The following CCDC40 variants were observed in gnomAD, a reference collection of about 807,000 sequenced individuals.
CCDC40 encodes the protein coiled-coil domain-containing protein 40.
In CCDC40, 104 loss-of-function variants were observed where a neutral mutation model predicts 124.5. That is an observed-to-expected ratio of 0.84 (90% CI 0.71 to 0.98). CCDC40 has a LOEUF of 0.98. Among genes scored for constraint, CCDC40 ranks in the 50% least tolerant of loss-of-function variants. The pLI is 0.00. For missense variants in CCDC40, 1,463 were observed against 1,503.9 expected, an observed-to-expected ratio of 0.97 and a Z score of 0.45; for synonymous variants, 580 against 602.9, an observed-to-expected ratio of 0.96 and a Z score of 0.56.
chr17:80,099,631 G>A lies in CCDC40; in HGVS notation c.3285G>A (p.Leu1095=), dbSNP rs751539954. The A allele has an allele frequency of 6.2e-7, 1 of 1,613,692 alleles. No homozygotes were observed. The highest frequency in any genetic ancestry group is 1.6e-4 in the Middle Eastern group (1 of 6,062). ...FLFRSKQSLV[L]ERQRLDKRLA... ...TCCGCTCCAAGCAGTCCCTAGTGCTGGAGCGCCAGCGCCTGGACAAGCGAC... is the reference window on the plus strand; with the variant it reads ...TCCGCTCCAAGCAGTCCCTAGTGCTAGAGCGCCAGCGCCTGGACAAGCGAC... The change falls in exon 20 of 20, where the codon CTG becomes CTA. Residue 1095 remains leucine (L), a synonymous_variant. Transcript: ENST00000397545.
chr17:80,043,652 G>C (rs916297250), intron 3 of CCDC40, among the ~76,000 whole-genome samples: 21 of 146,910 alleles, frequency 1.4e-4, no homozygotes, highest in Non-Finnish European at 4.5e-5. Context: ...CAGGTAGCTG[G>C]GACTGCAAGC....
chr17:80,059,100 T>A, intron 9 of CCDC40, 120 bp downstream of exon 9: 1 of 1,296,496 alleles, frequency 7.7e-7, no homozygotes, highest in Admixed American at 1.7e-5. Context: ...TGCAGCCAGC[T>A]TACATCTGCA....
intron 16 of CCDC40, 118 bp from the exon 17 acceptor site, chr17:80,089,646 G>A (rs1022017327): frequency 7.1e-6 from 9 of 1,264,356 alleles, no homozygotes; most frequent in Non-Finnish European, 6.9e-6. Flanking sequence ...GCTTTCTGTC[G>A]CAGCTGCTTG....
rs913575695 is a variant in CCDC40 at position 80,084,656 on chromosome 17, C to T, written c.1990-87C>T. The T allele has an allele frequency of 2.0e-5, 30 of 1,517,196 alleles. No individual in the cohort carries two copies. The African/African-American group carries it at 2.2e-4, about 11-fold the overall frequency. 94.0% of individuals were successfully genotyped at this position (1,517,196 alleles called of 1,614,324 possible). A position where few individuals can be genotyped will look rare whatever the true frequency, so the allele number is the denominator to read the frequency against. ...TTGGAATATCTCCAGAGGAACATCC[C>T]GACCGTCAGGGAACGGTGGATCAGC... On this transcript the variant is annotated intron_variant, in intron 12 of 19. Transcript: ENST00000397545.
chr17:80,069,240 G>A (rs959329357), intron 10 of CCDC40, among the ~76,000 whole-genome samples: 11 of 152,036 alleles, frequency 7.2e-5, no homozygotes, highest in Non-Finnish European at 1.5e-4. Context: ...CCCGTCCTTG[G>A]TCAGGGGGTT....
At chr17:80,056,876 A>G (rs1258129210) in intron 7 of CCDC40, among the ~76,000 whole-genome samples, 1 of 144,460 alleles carries the variant, frequency 6.9e-6, no homozygotes, top group African/African-American at 2.5e-5. Context: ...CATCTCTACT[A>G]AAAAAAAAAA....
At chr17:80,046,796 A>G (rs969436341) in intron 3 of CCDC40, among the ~76,000 whole-genome samples, 1 of 152,106 alleles carries the variant, frequency 6.6e-6, no homozygotes, top group Non-Finnish European at 1.5e-5. Flanking sequence ...GGAAATTTCA[A>G]TAAGAAAATG....
At chr17:80,055,139 C>G (rs2037704831) in intron 7 of CCDC40, among the ~76,000 whole-genome samples, 1 of 151,982 alleles carries the variant, frequency 6.6e-6, no homozygotes, top group Admixed American at 6.6e-5. Flanking sequence ...GAAAATGTTA[C>G]CCAGTGGAAA....
intron 7 of CCDC40, 85 bp downstream of exon 7, chr17:80,050,368 G>C: frequency 9.1e-7 from 1 of 1,103,198 alleles, no homozygotes; most frequent in Non-Finnish European, 1.3e-6. Context: ...CAGGCATCTA[G>C]AAAAGTAAGA....
rs753634476 is a variant in CCDC40 at position 80,065,559 on chromosome 17, C to T, written c.1515C>T (p.Gly505=). 6.2e-7 allele frequency: 1 copy of T among 1,612,978 alleles called. No individual in the cohort carries two copies. Among genetic ancestry groups the T allele is most frequent in the Non-Finnish European group, 8.5e-7 (1 of 1,179,946 alleles). Reference sequence around the variant, plus strand: ...AGCAATGGGCCAGCAGCCTGGTGGGCATGAAGCACCGCGACGAGGCGCACA... The same window carrying T: ...AGCAATGGGCCAGCAGCCTGGTGGGTATGAAGCACCGCGACGAGGCGCACA... The part of the protein sequence containing the change: ...IMQQWASSLV[G]MKHRDEAHRA... Residue 505 remains glycine, a synonymous_variant, in exon 10 of 20, where the codon GGC becomes GGT. Transcript: ENST00000397545.
chr17:80,048,444 C>T (rs370147212), intron 4 of CCDC40, 139 bp from the exon 5 acceptor site: 1 of 730,118 alleles, frequency 1.4e-6, no homozygotes, highest in Non-Finnish European at 2.4e-6. Flanking sequence ...GACCCACAGA[C>T]CGTTGGGATG....
intron 18 of CCDC40, among the ~76,000 whole-genome samples, chr17:80,095,666 CA>C (rs1283665672): frequency 6.6e-6 from 1 of 152,032 alleles, no homozygotes; most frequent in African/African-American, 2.4e-5. Flanking sequence ...GGTTCGGGGT[CA>C]GGGGTGAGGA....
intron 16 of CCDC40, among the ~76,000 whole-genome samples, chr17:80,088,946 T>TCAC (rs2038645333): frequency 6.6e-6 from 1 of 152,196 alleles, no homozygotes. Flanking sequence ...AGGGTTTCCT[T>TCAC]TGTGATAAAG....
At chr17:80,076,502 G>A (rs1307375410) in intron 10 of CCDC40, among the ~76,000 whole-genome samples, 1 of 151,560 alleles carries the variant, frequency 6.6e-6, no homozygotes, top group Non-Finnish European at 1.5e-5. Context: ...GAGCCTAGGA[G>A]GCTGAATTTG....
intron 10 of CCDC40, among the ~76,000 whole-genome samples, chr17:80,073,225 G>T (rs1047846955): frequency 6.6e-6 from 1 of 151,974 alleles, no homozygotes; most frequent in Non-Finnish European, 1.5e-5. Flanking sequence ...GGATGATCTC[G>T]ATCTCCTGAC....
rs1305223233 is a variant in CCDC40, at chr17:80,065,562, G to A, written c.1518G>A (p.Met506Ile). ...MQQWASSLVG[M>I]KHRDEAHRAV... ...AATGGGCCAGCAGCCTGGTGGGCATGAAGCACCGCGACGAGGCGCACAGGG... is the reference window on the plus strand; with the variant it reads ...AATGGGCCAGCAGCCTGGTGGGCATAAAGCACCGCGACGAGGCGCACAGGG... The change falls in exon 10 of 20, where the codon ATG becomes ATA. Residue 506 changes from methionine to isoleucine, a missense_variant. Transcript: ENST00000397545. 6.2e-7 allele frequency: 1 copy of A among 1,612,994 alleles called. No individual in the cohort carries two copies. Among genetic ancestry groups the A allele is most frequent in the South Asian group, 1.1e-5 (1 of 91,062 alleles).
At chr17:80,082,471 C>T (rs1237289736) in intron 12 of CCDC40, among the ~76,000 whole-genome samples, 6 of 151,838 alleles carry the variant, frequency 4.0e-5, no homozygotes, top group Non-Finnish European at 8.8e-5. Flanking sequence ...TTGCCTCTTC[C>T]CGAGGGGTGA....
chr17:80,042,875 T>A (rs377423525), intron 3 of CCDC40, among the ~76,000 whole-genome samples: 1 of 141,076 alleles, frequency 7.1e-6, no homozygotes, highest in African/African-American at 2.6e-5. Flanking sequence ...TTTTTTTTTT[T>A]AATCATAAAA....
At position 80,087,421 on chromosome 17, in the gene CCDC40, C is replaced by G; in HGVS notation, c.2450-186C>G. The G allele has an allele frequency of 1.9e-6, 1 of 515,016 alleles. No homozygotes were observed. Among genetic ancestry groups the G allele is most frequent in the East Asian group, 3.1e-5 (1 of 31,900 alleles). The allele number at this position is 515,016 out of a possible 1,614,324, so 31.9% of individuals were successfully genotyped here. ...TAGCAGCCAAAAAGAGACCCCCTGTCCTCTCCTCTCCTCTGTCCTGGCAGG... is the reference window on the plus strand; with the variant it reads ...TAGCAGCCAAAAAGAGACCCCCTGTGCTCTCCTCTCCTCTGTCCTGGCAGG... On this transcript the variant is annotated intron_variant, in intron 14 of 19. Transcript: ENST00000397545. The surrounding 1 kb of genome is among the most constrained non-coding windows in gnomAD (Gnocchi z 4.5).
Sources: gnomAD v4.1 joint callset for allele counts (sites outside exome capture counted in the v4.1 genomes callset) on GRCh38, gnomAD v4.1.1 for gene constraint, Gnocchi (gnomAD v3.1) non-coding constraint, MANE v1.5 for transcripts, NCBI Gene and HGNC (gene_info 2026-07-23, HGNC 2026-07-21) for gene names.